The following VKORC1L1 variants were observed in gnomAD, a reference collection of about 807,000 sequenced individuals.
VKORC1L1 encodes the protein vitamin K epoxide reductase complex subunit 1L1.
In VKORC1L1, 2 loss-of-function variants were observed where a neutral mutation model predicts 18.9. That is an observed-to-expected ratio of 0.11 (90% CI 0.04 to 0.33). The LOEUF (loss-of-function observed/expected upper bound fraction) is 0.33. Ranked by LOEUF, VKORC1L1 falls within the 10% of genes least tolerant of loss-of-function variation. The probability of loss-of-function intolerance (pLI) is 1.00; values close to 1 mark genes in which losing one functional copy is unlikely to be tolerated. For synonymous variants in VKORC1L1, 96 were observed against 100.0 expected (o/e 0.96, Z 0.24); for missense variants, 123 against 224.1 (o/e 0.55, Z 2.88).
At chr7:65,934,671 T>C (rs1160836764) in intron 1 of VKORC1L1, among the ~76,000 whole-genome samples, 1 of 152,146 alleles carries the variant, frequency 6.6e-6, no homozygotes, top group Non-Finnish European at 1.5e-5. Context: ...AGCATAATGT[T>C]CTCCAATTCC....
chr7:65,905,302 TA>T (rs552690449), intron 1 of VKORC1L1, among the ~76,000 whole-genome samples: 22 of 152,216 alleles, frequency 1.4e-4, no homozygotes, highest in South Asian at 8.3e-4. Context: ...TTGGCGTGGT[TA>T]TTTTTTTTAT....
At chr7:65,895,512 T>TACACACAC (rs1439632666) in intron 1 of VKORC1L1, among the ~76,000 whole-genome samples, 2 of 73,868 alleles carry the variant, frequency 2.7e-5, no homozygotes, top group African/African-American at 8.5e-5. Context: ...TATATATATA[T>TACACACAC]ATATACACAC....
chr7:65,943,371 T>C (rs1790067625), intron 1 of VKORC1L1, among the ~76,000 whole-genome samples: 1 of 152,252 alleles, frequency 6.6e-6, no homozygotes, highest in African/African-American at 2.4e-5. Flanking sequence ...AGAATGCTGC[T>C]TTTTGTTCCA....
At position 65,884,656 on chromosome 7, in the gene VKORC1L1, C is replaced by G. The variant is rs527970913; in HGVS notation, c.194+11091C>G. Reference sequence around the variant, plus strand: ...TCTCAAAAAAAAGAAAATATTACCACTATTTTCCCATGTTGTTAAAAATTC... The same window carrying G: ...TCTCAAAAAAAAGAAAATATTACCAGTATTTTCCCATGTTGTTAAAAATTC... On this transcript the variant is annotated intron_variant, in intron 1 of 2. Coordinates refer to ENST00000360768, the MANE Select transcript of VKORC1L1 (RefSeq NM_173517.6). 6.8e-4 allele frequency among the ~76,000 whole-genome samples: 103 copies of G among 152,082 alleles called. 1 individual carries two copies. The highest frequency in any genetic ancestry group is 1.5e-3 in the Admixed American group (23 of 15,242).
chr7:65,959,353 G>T lies in VKORC1L1; in HGVS notation c.*5053G>T, dbSNP rs1481568859. The T allele has an allele frequency of 6.6e-6, 1 of 152,066 alleles. No homozygotes were observed. The highest frequency in any genetic ancestry group is 2.4e-5 in the African/African-American group (1 of 41,402). 9.4% of individuals were successfully genotyped at this position (152,066 alleles called of 1,614,324 possible). ...CCTAATTTGTAAACCATTTAAATGT[G>T]TCTATTACATTTAACTTTTCTTAAT... is the stretch of plus-strand genomic sequence containing the variant. On this transcript the variant is annotated 3_prime_UTR_variant, in exon 3 of 3. Transcript: ENST00000360768.
intron 1 of VKORC1L1, among the ~76,000 whole-genome samples, chr7:65,946,275 A>G (rs1277968239): frequency 1.3e-5 from 2 of 149,446 alleles, no homozygotes; most frequent in Non-Finnish European, 3.0e-5. Context: ...TTGACTTGCC[A>G]TTGCTCATGA....
At chr7:65,934,835 A>G (rs1282359120) in intron 1 of VKORC1L1, among the ~76,000 whole-genome samples, 1 of 152,082 alleles carries the variant, frequency 6.6e-6, no homozygotes, top group African/African-American at 2.4e-5. Context: ...CGGGCAGATC[A>G]CGAGGTCAGG....
At chr7:65,894,247 G>A (rs1050962189) in intron 1 of VKORC1L1, among the ~76,000 whole-genome samples, 5 of 150,068 alleles carry the variant, frequency 3.3e-5, no homozygotes, top group Non-Finnish European at 5.9e-5. Flanking sequence ...GAGCCACTGC[G>A]CCCAGCCAAA....
intron 1 of VKORC1L1, among the ~76,000 whole-genome samples, chr7:65,904,548 T>C (rs888928630): frequency 2.6e-5 from 4 of 152,192 alleles, no homozygotes; most frequent in African/African-American, 9.6e-5. Context: ...AGTGGTATAC[T>C]TCACCTGGAA....
At chr7:65,941,940 C>T (rs138106485) in intron 1 of VKORC1L1, among the ~76,000 whole-genome samples, 2 of 152,148 alleles carry the variant, frequency 1.3e-5, no homozygotes, top group East Asian at 1.9e-4. Context: ...GAATTACAGG[C>T]GTGAGCCACT....
At chr7:65,895,429 C>A (rs1789174533) in intron 1 of VKORC1L1, among the ~76,000 whole-genome samples, 1 of 114,412 alleles carries the variant, frequency 8.7e-6, no homozygotes, top group Non-Finnish European at 1.7e-5. Flanking sequence ...CAGCCTGGGC[C>A]ATATAGTGAA....
At position 65,909,690 on chromosome 7, in the gene VKORC1L1, TTGTGTG is replaced by T. The variant is rs56074368; in HGVS notation, c.194+36168_194+36173del. Among the ~76,000 whole-genome samples, 651 of 123,824 alleles carry T rather than the reference TTGTGTG, an allele frequency of 5.3e-3. 6 individuals are homozygous for T. The highest frequency in any genetic ancestry group is 0.016 in the Middle Eastern group (4 of 256). The allele number at this position is 123,824 out of a possible 152,430, so 81.2% of individuals were successfully genotyped here. On this transcript the variant is annotated intron_variant, in intron 1 of 2. Coordinates refer to ENST00000360768, the MANE Select transcript of VKORC1L1 (RefSeq NM_173517.6). ...AAGCTTCTAACTTTTGTTTTAGCCTTTGTGTGTGTGTGTGTGTGTGTGTGTGTGTGT... is the reference window on the plus strand; with the variant it reads ...AAGCTTCTAACTTTTGTTTTAGCCTTTGTGTGTGTGTGTGTGTGTGTGTGT...
intron 1 of VKORC1L1, among the ~76,000 whole-genome samples, chr7:65,915,222 G>T (rs937762159): frequency 2.8e-4 from 42 of 150,788 alleles, no homozygotes; most frequent in African/African-American, 9.0e-4. Flanking sequence ...CTCCCGAGTA[G>T]CTGGGACTAC....
intron 1 of VKORC1L1, among the ~76,000 whole-genome samples, chr7:65,940,061 G>C (rs1157290881): frequency 6.6e-6 from 1 of 151,276 alleles, no homozygotes; most frequent in Non-Finnish European, 1.5e-5. Flanking sequence ...GTCTCACTCT[G>C]TCACCCAGGC....
At chr7:65,920,053 C>T (rs1789650356) in intron 1 of VKORC1L1, among the ~76,000 whole-genome samples, 3 of 152,050 alleles carry the variant, frequency 2.0e-5, no homozygotes, top group African/African-American at 7.2e-5. Context: ...TCCCTTCTTA[C>T]ATTTGCTTGC....
intron 2 of VKORC1L1, among the ~76,000 whole-genome samples, chr7:65,949,749 A>G (rs1350346557): frequency 1.3e-5 from 2 of 152,104 alleles, no homozygotes; most frequent in Non-Finnish European, 2.9e-5. Context: ...ACACCACTGC[A>G]CTCCAGCCTG....
the VKORC1L1 span, among the ~76,000 whole-genome samples, chr7:65,867,511 G>A: frequency 5.3e-5 from 8 of 151,944 alleles, no homozygotes; most frequent in South Asian, 2.1e-4. Flanking sequence ...ATTTTCACTC[G>A]GGGTGTCTCA....
chr7:65,956,677 T>C lies in VKORC1L1; in HGVS notation c.*2377T>C, dbSNP rs1001872305. 3 of 152,196 alleles carry C rather than the reference T, an allele frequency of 2.0e-5. No homozygotes were observed. The highest frequency in any genetic ancestry group is 7.2e-5 in the African/African-American group (3 of 41,438). 9.4% of individuals were successfully genotyped at this position (152,196 alleles called of 1,614,324 possible). ...TCAGTAACAGAATCCTGGTGGGTGTTAATTGGGTGTTTTTTGCCCTGGAGA... is the reference window on the plus strand; with the variant it reads ...TCAGTAACAGAATCCTGGTGGGTGTCAATTGGGTGTTTTTTGCCCTGGAGA... On this transcript the variant is annotated 3_prime_UTR_variant, in exon 3 of 3. Coordinates refer to ENST00000360768, the MANE Select transcript of VKORC1L1 (RefSeq NM_173517.6).
intron 1 of VKORC1L1, among the ~76,000 whole-genome samples, chr7:65,916,933 A>G (rs576883580): frequency 3.9e-4 from 60 of 152,270 alleles, no homozygotes; most frequent in South Asian, 2.7e-3. Context: ...GTTCATGGTT[A>G]TCTTTAAAAC....
Sources: gnomAD v4.1 joint callset for allele counts (sites outside exome capture counted in the v4.1 genomes callset) on GRCh38, gnomAD v4.1.1 for gene constraint, MANE v1.5 for transcripts, NCBI Gene and HGNC (gene_info 2026-07-23, HGNC 2026-07-21) for gene names.